Variants in TRIQK observed in about 807,000 individuals in gnomAD.
TRIQK encodes triple QxxK/R motif-containing protein.
A neutral mutation model predicts 10.8 loss-of-function variants in TRIQK; 10 were observed. The observed-to-expected ratio is 0.92, with a 90% CI of 0.57 to 1.57. The LOEUF (loss-of-function observed/expected upper bound fraction) is 1.57. Ranked by LOEUF, TRIQK falls within the 40% of genes most tolerant of loss-of-function variation. The pLI is 0.00. For synonymous variants in TRIQK, 33 were observed against 33.7 expected, an observed-to-expected ratio of 0.98 and a Z score of 0.07; for missense variants, 107 against 97.7, an observed-to-expected ratio of 1.09 and a Z score of -0.40.
At chr8:92,931,966 T>C (rs191935768) in intron 2 of TRIQK, among the ~76,000 whole-genome samples, 28 of 152,300 alleles carry the variant, frequency 1.8e-4, no homozygotes, top group Non-Finnish European at 3.1e-4. Flanking sequence ...GAAACAGATA[T>C]GAGAATATCA....
intron 1 of TRIQK, among the ~76,000 whole-genome samples, chr8:92,975,599 T>C (rs1278260001): frequency 6.6e-6 from 1 of 152,118 alleles, no homozygotes; most frequent in African/African-American, 2.4e-5. Flanking sequence ...AGAGCTTTAA[T>C]TTTATTACCT....
At chr8:93,011,995 G>A (rs1206742401) in intron 1 of TRIQK, among the ~76,000 whole-genome samples, 1 of 152,068 alleles carries the variant, frequency 6.6e-6, no homozygotes, top group East Asian at 1.9e-4. Flanking sequence ...GGGGACAGAT[G>A]GAAAATATTT....
chr8:92,951,534 C>T (rs1277892518), intron 2 of TRIQK, among the ~76,000 whole-genome samples: 1 of 151,950 alleles, frequency 6.6e-6, no homozygotes, highest in African/African-American at 2.4e-5. Context: ...GCTAGAGGCT[C>T]AGGATGAAAA....
chr8:92,983,124 A>G (rs923831001), intron 1 of TRIQK, among the ~76,000 whole-genome samples: 3 of 152,078 alleles, frequency 2.0e-5, no homozygotes, highest in African/African-American at 7.2e-5. Context: ...AACTGATTCT[A>G]AATTATTTTT....
chr8:92,913,885 C>T (rs1004132730), intron 3 of TRIQK, among the ~76,000 whole-genome samples: 2 of 152,046 alleles, frequency 1.3e-5, no homozygotes, highest in East Asian at 1.9e-4. Flanking sequence ...AACCAAACAC[C>T]GCATGTTCTC....
rs1263138268 is a variant in TRIQK, at chr8:92,884,374, A to C, written c.*2248T>G. On this transcript the variant is annotated 3_prime_UTR_variant, in exon 5 of 5. Coordinates refer to ENST00000521988, the MANE Select transcript of TRIQK (RefSeq NM_001171797.2). Reference sequence around the variant, plus strand: ...TTCATGAAAACAGTGTTGTGTAAACATATATTGTGTCACTTTACCTACTAT... The same window carrying C: ...TTCATGAAAACAGTGTTGTGTAAACCTATATTGTGTCACTTTACCTACTAT... 2 of 167,700 alleles carry C rather than the reference A, an allele frequency of 1.2e-5. No homozygotes were observed. The highest frequency in any genetic ancestry group is 2.6e-5 in the Non-Finnish European group (2 of 76,846). 10.4% of individuals were successfully genotyped at this position (167,700 alleles called of 1,614,324 possible). A position where few individuals can be genotyped will look rare whatever the true frequency, so the allele number is the denominator to read the frequency against.
chr8:92,967,250 G>A (rs1812787374), upstream of TRIQK, among the ~76,000 whole-genome samples: 1 of 151,052 alleles, frequency 6.6e-6, no homozygotes, highest in Admixed American at 6.6e-5. Flanking sequence ...CCAAAACCCA[G>A]AAGGGTTTAT....
chr8:92,923,687 A>G (rs55953142), intron 2 of TRIQK, among the ~76,000 whole-genome samples: 5,249 of 151,952 alleles, frequency 0.035, 123 homozygotes, highest in South Asian at 0.049. Flanking sequence ...ATTTTTATCT[A>G]ATTAAACTTT....
chr8:92,919,866 G>T (rs1304713069), intron 2 of TRIQK, among the ~76,000 whole-genome samples: 2 of 151,574 alleles, frequency 1.3e-5, no homozygotes, highest in Non-Finnish European at 3.0e-5. Flanking sequence ...AATCTTGATA[G>T]GTTTTATATG....
At chr8:92,997,365 A>G (rs1392987051) in intron 1 of TRIQK, among the ~76,000 whole-genome samples, 1 of 152,076 alleles carries the variant, frequency 6.6e-6, no homozygotes, top group Admixed American at 6.6e-5. Context: ...ATATTAAAAG[A>G]AAGGGCAACC....
intron 1 of TRIQK, among the ~76,000 whole-genome samples, chr8:92,979,654 G>A (rs1812966504): frequency 6.6e-6 from 1 of 151,620 alleles, no homozygotes; most frequent in Admixed American, 6.6e-5. Context: ...CTACATTCAG[G>A]TCATGTATTC....
intron 3 of TRIQK, among the ~76,000 whole-genome samples, chr8:92,896,512 T>C (rs1021725264): frequency 6.6e-6 from 1 of 152,040 alleles, no homozygotes; most frequent in African/African-American, 2.4e-5. Context: ...AGTGTGCAAT[T>C]ACAGTCTGGG....
intron 1 of TRIQK, among the ~76,000 whole-genome samples, chr8:92,971,455 TACA>T (rs1311697327): frequency 6.6e-6 from 1 of 152,086 alleles, no homozygotes; most frequent in East Asian, 1.9e-4. Context: ...AGTCTCAGGA[TACA>T]ACATCAATGT....
chr8:92,937,583 G>T (rs1405478935), intron 2 of TRIQK, among the ~76,000 whole-genome samples: 6 of 145,590 alleles, frequency 4.1e-5, no homozygotes, highest in Non-Finnish European at 1.5e-5. Context: ...CATCTTCTTT[G>T]TTTTTTTTTT....
At chr8:92,999,200 A>C (rs897284809) in intron 1 of TRIQK, among the ~76,000 whole-genome samples, 24 of 152,172 alleles carry the variant, frequency 1.6e-4, no homozygotes, top group African/African-American at 5.5e-4. Context: ...GCCCTTGTTG[A>C]ATACTAGCTA....
intron 1 of TRIQK, among the ~76,000 whole-genome samples, chr8:92,962,769 A>T (rs1268914313): frequency 2.0e-5 from 3 of 152,168 alleles, no homozygotes; most frequent in Non-Finnish European, 2.9e-5. Context: ...GAGATTTTCC[A>T]TCTTTTATTA....
intron 2 of TRIQK, chr8:92,929,621 A>G (rs1586442983): frequency 6.6e-6 from 1 of 152,174 alleles, no homozygotes; most frequent in Admixed American, 6.5e-5. Flanking sequence ...AACAATGCTC[A>G]TCATTGGGGG....
At chr8:92,960,309 G>C (rs1203332479) in intron 1 of TRIQK, among the ~76,000 whole-genome samples, 2 of 151,752 alleles carry the variant, frequency 1.3e-5, no homozygotes, top group African/African-American at 4.8e-5. Context: ...ATCTTTTTAT[G>C]ATTTCCAATT....
intron 4 of TRIQK, among the ~76,000 whole-genome samples, chr8:92,888,069 A>T (rs1398785171): frequency 6.6e-6 from 1 of 151,650 alleles, no homozygotes; most frequent in Non-Finnish European, 1.5e-5. Flanking sequence ...TTATTTTCTT[A>T]TATCCACAGC....
Sources: gnomAD v4.1 joint callset for allele counts (sites outside exome capture counted in the v4.1 genomes callset) on GRCh38, gnomAD v4.1.1 for gene constraint, MANE v1.5 for transcripts, NCBI Gene and HGNC (gene_info 2026-07-23, HGNC 2026-07-21) for gene names.